CD1E: variants seen among roughly 807,000 people sequenced by gnomAD.
The protein encoded by CD1E is CD1e molecule.
CD1E carries 49 observed loss-of-function variants against 40.1 expected under a neutral mutation model. The ratio of observed to expected loss-of-function variants is 1.22; its 90% CI spans 0.97 to 1.55. CD1E has a LOEUF of 1.55. CD1E is among the 40% of genes most tolerant of loss of function. CD1E has a pLI of 0.00. For missense variants in CD1E, 492 were observed against 471.3 expected, an observed-to-expected ratio of 1.04 and a Z score of -0.41; for synonymous variants, 189 against 178.3, an observed-to-expected ratio of 1.06 and a Z score of -0.48.
chr1:158,356,750 C>T lies in CD1E; in HGVS notation c.1021C>T (p.Pro341Ser), dbSNP rs546299000. ...CAGTTCAAATAAGAACATTCTTTCT[C>T]CCCACACACCCAGCCCTGTCTTTCT... is the stretch of plus-strand genomic sequence containing the variant. ...KQSSNKNILS[P>S]HTPSPVFLMG... The change falls in exon 6 of 6, where the codon CCC (proline) becomes TCC (serine). Residue 341 changes from proline to serine, a missense_variant. By Grantham distance (74) the Pro-to-Ser change is moderately conservative (BLOSUM62 -1). Coordinates refer to ENST00000368167, the MANE Select transcript of CD1E (RefSeq NM_030893.4). 5.5e-5 allele frequency: 89 copies of T among 1,613,632 alleles called. No homozygotes were observed. The South Asian group carries it at 8.0e-4, about 15-fold the overall frequency.
chr1:158,354,336 C>G (rs941164160), intron 1 of CD1E, 41 bp from the exon 2 acceptor site: 9 of 1,528,544 alleles, frequency 5.9e-6, no homozygotes, highest in Non-Finnish European at 7.9e-6. Flanking sequence ...CTTTTCCCAT[C>G]CCTTTACATT....
Position 158,356,664 on chromosome 1 carries a change from T to A in CD1E, c.999-64T>A, listed in dbSNP as rs1050391937. On this transcript the variant is annotated intron_variant, in intron 5 of 5. Coordinates refer to ENST00000368167, the MANE Select transcript of CD1E (RefSeq NM_030893.4). The stretch of plus-strand genomic sequence containing the variant: ...TCCTTTTTCCTCTATCTTCTTTTTT[T>A]TTTTCTCTGCCTTTCCCCTTTATTT... 356 of 1,578,230 alleles carry A rather than the reference T, an allele frequency of 2.3e-4. 1 individual carries two copies. Among genetic ancestry groups the A allele is most frequent in the Non-Finnish European group, 2.9e-4 (338 of 1,160,684 alleles).
rs998552335 is a variant in CD1E at position 158,354,657 on chromosome 1, T to C, written c.339T>C (p.Gly113=). ...SFIQIVQASA[G]QFQLEYPFEI... ...TCCAGATAGTGCAAGCTTCTGCTGG[T>C]CAATTTCAGCTTGAATGTAAGTTCG... is the stretch of plus-strand genomic sequence containing the variant. Residue 113 remains glycine, a synonymous_variant, in exon 2 of 6, where the codon GGT becomes GGC. Transcript: ENST00000368167. The C allele has an allele frequency of 6.2e-7, 1 of 1,612,496 alleles. No homozygotes were observed. The highest frequency in any genetic ancestry group is 8.5e-7 in the Non-Finnish European group (1 of 1,179,154).
At chr1:158,355,755 C>A in intron 3 of CD1E, 72 bp from the exon 4 acceptor site, 1 of 1,493,868 alleles carries the variant, frequency 6.7e-7, no homozygotes, top group Non-Finnish European at 8.9e-7. Flanking sequence ...ATTACAAAGG[C>A]ACCTGAGTCT....
chr1:158,355,148 ACAAATTTTCTTCCC>A lies in CD1E; in HGVS notation c.356-150_356-137del. ...TTTATTATCTTCAAATTTTCTTCCC[ACAAATTTTCTTCCC>A]CTTTGCCAGTAAACTCTAGTCTCCA... is the stretch of plus-strand genomic sequence containing the variant. On this transcript the variant is annotated intron_variant, in intron 2 of 5. Transcript: ENST00000368167. 24 of 387,876 alleles carry A rather than the reference ACAAATTTTCTTCCC, an allele frequency of 6.2e-5. 4 individuals are homozygous for A. Among genetic ancestry groups the A allele is most frequent in the African/African-American group, 5.7e-4 (5 of 8,794 alleles). 24.0% of individuals were successfully genotyped at this position (387,876 alleles called of 1,614,324 possible). A position where few individuals can be genotyped will look rare whatever the true frequency, so the allele number is the denominator to read the frequency against.
rs61734678 is a variant in CD1E, at chr1:158,356,029, G to A, written c.828G>A (p.Ala276=). 3,282 of 1,614,068 alleles carry A rather than the reference G, an allele frequency of 2.0e-3. 64 individuals carry two copies. In the African/African-American group the frequency reaches 0.037, roughly 18 times the overall value. ...TWYLRATLDV[A]AGEAAGLSCR... is the part of the protein sequence containing the mutation. ...ATCTCCGAGCAACCCTGGATGTGGC[G>A]GCTGGGGAGGCAGCTGGCCTGTCCT... is the stretch of plus-strand genomic sequence containing the variant. Residue 276 remains alanine (A), a synonymous_variant, in exon 4 of 6, where the codon GCG becomes GCA. Transcript: ENST00000368167.
Position 158,353,937 on chromosome 1 carries a change from A to T in CD1E, c.-52A>T. On this transcript the variant is annotated 5_prime_UTR_variant, in exon 1 of 6. Transcript: ENST00000368167. Reference sequence around the variant, plus strand: ...GTGTGGAGAGGGGTACTGATATCTGAATTATTAGGGCAGGTGTCCTGCCAA... The same window carrying T: ...GTGTGGAGAGGGGTACTGATATCTGTATTATTAGGGCAGGTGTCCTGCCAA... 6.9e-7 allele frequency: 1 copy of T among 1,459,644 alleles called. No homozygotes were observed. The highest frequency in any genetic ancestry group is 1.7e-5 in the Admixed American group (1 of 59,722). The allele number at this position is 1,459,644 out of a possible 1,614,324, so 90.4% of individuals were successfully genotyped here.
chr1:158,356,241 A>T, intron 4 of CD1E, 136 bp downstream of exon 4: 1 of 1,041,646 alleles, frequency 9.6e-7, no homozygotes, highest in Non-Finnish European at 1.4e-6. Context: ...AGAAGGATAG[A>T]GTATGACAGT....
chr1:158,354,302 G>A, intron 1 of CD1E, 75 bp from the exon 2 acceptor site: 1 of 1,380,950 alleles, frequency 7.2e-7, no homozygotes, highest in Non-Finnish European at 9.9e-7. Flanking sequence ...TCATCTCTGG[G>A]TTCCTTTTTT....
Position 158,354,677 on chromosome 1 carries a change from A to C in CD1E, c.355+4A>C, listed in dbSNP as rs751714233. The C allele has an allele frequency of 4.4e-6, 7 of 1,609,020 alleles. No individual in the cohort carries two copies. The highest frequency in any genetic ancestry group is 5.9e-6 in the Non-Finnish European group (7 of 1,177,188). On this transcript the variant is annotated splice_donor_region_variant and intron_variant, in intron 2 of 5. Coordinates refer to ENST00000368167, the MANE Select transcript of CD1E (RefSeq NM_030893.4). Reference sequence around the variant, plus strand: ...GCTGGTCAATTTCAGCTTGAATGTAAGTTCGTTGCTCTAAGCTGATAATTT... The same window carrying C: ...GCTGGTCAATTTCAGCTTGAATGTACGTTCGTTGCTCTAAGCTGATAATTT...
rs751928825 is a variant in CD1E at position 158,355,529 on chromosome 1, G to A, written c.585G>A (p.Ala195=). 2.9e-5 allele frequency: 47 copies of A among 1,613,982 alleles called. No homozygotes were observed. The highest frequency in any genetic ancestry group is 1.6e-4 in the Middle Eastern group (1 of 6,084). The part of the protein sequence containing the change: ...LLGHTCPRFL[A]GLMEAGESEL... ...GTCACACCTGCCCTCGATTTCTAGC[G>A]GGGCTCATGGAAGCAGGGGAGTCAG... is the stretch of plus-strand genomic sequence containing the variant. The change falls in exon 3 of 6, where the codon GCG becomes GCA. Residue 195 remains alanine, a synonymous_variant. Coordinates refer to ENST00000368167, the MANE Select transcript of CD1E (RefSeq NM_030893.4).
In CD1E at chr1:158,355,176, C is replaced by T. The variant is rs955258070; in HGVS notation, c.356-124C>T. ...AATTTTCTTCCCCTTTGCCAGTAAA[C>T]TCTAGTCTCCATATGATTTCCCAGC... On this transcript the variant is annotated intron_variant, in intron 2 of 5. Transcript: ENST00000368167. 33 of 894,630 alleles carry T rather than the reference C, an allele frequency of 3.7e-5. No homozygotes were observed. In the South Asian group the frequency reaches 5.5e-4, roughly 15 times the overall value. 55.4% of individuals were successfully genotyped at this position (894,630 alleles called of 1,614,324 possible). A position where few individuals can be genotyped will look rare whatever the true frequency, so the allele number is the denominator to read the frequency against.
rs575398929 is a variant in CD1E, at chr1:158,356,379, AG to A, written c.905-116del. On this transcript the variant is annotated intron_variant, in intron 4 of 5. Transcript: ENST00000368167. Reference sequence around the variant, plus strand: ...CAAAGGATCAGGAGGAATTGAAATGAGGGCTTTGGAAAACCCAGATGAAAAT... The same window carrying A: ...CAAAGGATCAGGAGGAATTGAAATGAGGCTTTGGAAAACCCAGATGAAAAT... 1.3e-5 allele frequency: 11 copies of A among 869,644 alleles called. No homozygotes were observed. In the South Asian group the frequency reaches 1.4e-4, roughly 11 times the overall value. 53.9% of individuals were successfully genotyped at this position (869,644 alleles called of 1,614,324 possible).
At chr1:158,355,637 C>A in intron 3 of CD1E, 68 bp downstream of exon 3, 2 of 1,524,430 alleles carry the variant, frequency 1.3e-6, no homozygotes, top group Admixed American at 2.0e-5. Flanking sequence ...ATTTGCCTCT[C>A]ATCATCATTT....
At position 158,355,439 on chromosome 1, in the gene CD1E, C is replaced by T; in HGVS notation, c.495C>T (p.Ala165=). Reference sequence around the variant, plus strand: ...CATCTCCAGGAGCAGGGATCCGGGCCCAGAACATCTGTAAAGTGCTCAATC... The same window carrying T: ...CATCTCCAGGAGCAGGGATCCGGGCTCAGAACATCTGTAAAGTGCTCAATC... ...WEPSPGAGIR[A]QNICKVLNRY... is the part of the protein sequence containing the mutation. The change falls in exon 3 of 6, where the codon GCC becomes GCT. Residue 165 remains alanine, a synonymous_variant. Transcript: ENST00000368167. 2 of 1,614,044 alleles carry T rather than the reference C, an allele frequency of 1.2e-6. No individual in the cohort carries two copies. The highest frequency in any genetic ancestry group is 1.1e-5 in the South Asian group (1 of 91,076).
Position 158,355,483 on chromosome 1 carries a change from A to G in CD1E, c.539A>G (p.Glu180Gly). Residue 180 changes from glutamate to glycine, a missense_variant, in exon 3 of 6, where the codon GAA (glutamate) becomes GGA (glycine). Coordinates refer to ENST00000368167, the MANE Select transcript of CD1E (RefSeq NM_030893.4). Reference sequence around the variant, plus strand: ...CTCAATCGCTACCTAGATATTAAGGAAATACTGCAAAGCCTTCTTGGTCAC... The same window carrying G: ...CTCAATCGCTACCTAGATATTAAGGGAATACTGCAAAGCCTTCTTGGTCAC... ...KVLNRYLDIKEILQSLLGHTC... is the reference protein window; with the variant it reads ...KVLNRYLDIKGILQSLLGHTC... 1 of 1,614,164 alleles carries G rather than the reference A, an allele frequency of 6.2e-7. No homozygotes were observed.
intron 4 of CD1E, 39 bp downstream of exon 4, chr1:158,356,144 A>T: frequency 6.2e-7 from 1 of 1,608,950 alleles, no homozygotes; most frequent in Non-Finnish European, 8.5e-7. Context: ...AATAATGAAA[A>T]TAGCCCTGGG....
chr1:158,355,834 A>C lies in CD1E; in HGVS notation c.633A>C (p.Pro211=), dbSNP rs745732389. The change falls in exon 4 of 6, where the codon CCA becomes CCC. Residue 211 remains proline, a synonymous_variant. Transcript: ENST00000368167. ...GESELKRKVK[P]EAWLSCGPSP... ...CTATCTTCTTCTTCCTAGTGAAGCCAGAGGCCTGGCTGTCCTGTGGCCCCA... is the reference window on the plus strand; with the variant it reads ...CTATCTTCTTCTTCCTAGTGAAGCCCGAGGCCTGGCTGTCCTGTGGCCCCA... The C allele has an allele frequency of 6.2e-7, 1 of 1,610,854 alleles. No individual in the cohort carries two copies. Among genetic ancestry groups the C allele is most frequent in the Admixed American group, 1.7e-5 (1 of 59,518 alleles).
At chr1:158,356,223 C>A in intron 4 of CD1E, 118 bp downstream of exon 4, 1 of 1,195,010 alleles carries the variant, frequency 8.4e-7, no homozygotes, top group South Asian at 1.5e-5. Flanking sequence ...CTGGGACAAT[C>A]AAAATAAAGA....
Sources: allele counts gnomAD v4.1 joint callset, GRCh38; gene constraint gnomAD v4.1.1; transcripts MANE v1.5; gene names NCBI Gene and HGNC (gene_info 2026-07-23, HGNC 2026-07-21).